EML4: variants seen among roughly 807,000 people sequenced by gnomAD.
EML4 encodes the protein EMAP like 4, also known as echinoderm microtubule-associated protein-like 4.
Under a neutral mutation model 129.0 loss-of-function variants are expected in EML4, and 72 were observed. That is an observed-to-expected ratio of 0.56 (90% CI 0.46 to 0.68). The LOEUF (loss-of-function observed/expected upper bound fraction) is 0.68. Among genes scored for constraint, EML4 ranks in the 30% least tolerant of loss-of-function variants. The probability of loss-of-function intolerance (pLI) is 0.00; values close to 1 mark genes in which losing one functional copy is unlikely to be tolerated. For synonymous variants in EML4, 532 were observed against 405.0 expected, an observed-to-expected ratio of 1.31 and a Z score of -3.77; for missense variants, 1,363 against 1,190.6, an observed-to-expected ratio of 1.14 and a Z score of -2.13.
Position 42,202,985 on chromosome 2 carries a change from A to T in EML4, c.25+33349A>T, listed in dbSNP as rs140604421. On this transcript the variant is annotated intron_variant, in intron 1 of 22. Coordinates refer to ENST00000318522, the MANE Select transcript of EML4 (RefSeq NM_019063.5). ...TGAGGCTGCATTGAGCCATGATTGT[A>T]CCAGTGTACTCCAGCCTGGGTGACA... Among the ~76,000 whole-genome samples the T allele has an allele frequency of 7.0e-4, 106 of 152,270 alleles. 1 individual carries two copies. The highest frequency in any genetic ancestry group is 5.4e-3 in the South Asian group (26 of 4,826).
intron 1 of EML4, 164 bp downstream of exon 1, chr2:42,169,800 T>C (rs1035508812): frequency 1.2e-5 from 8 of 669,246 alleles, no homozygotes; most frequent in African/African-American, 1.9e-5. Flanking sequence ...TCCGGTGGAC[T>C]GAGGGCCCCT....
At chr2:42,229,941 C>G (rs1028384955) in intron 1 of EML4, among the ~76,000 whole-genome samples, 1 of 151,744 alleles carries the variant, frequency 6.6e-6, no homozygotes, top group Non-Finnish European at 1.5e-5. Flanking sequence ...AGAAAAAAAC[C>G]ATAAAAAGGA....
chr2:42,241,386 A>G (rs1167226468), intron 1 of EML4, among the ~76,000 whole-genome samples: 1 of 152,160 alleles, frequency 6.6e-6, no homozygotes, highest in Non-Finnish European at 1.5e-5. Context: ...CCTGTAATTG[A>G]TCATCCAAGT....
Position 42,303,296 on chromosome 2 carries a change from G to T in EML4, c.1768-19G>T. 1 of 1,614,056 alleles carries T rather than the reference G, an allele frequency of 6.2e-7. No homozygotes were observed. Among genetic ancestry groups the T allele is most frequent in the Non-Finnish European group, 8.5e-7 (1 of 1,179,980 alleles). On this transcript the variant is annotated intron_variant, in intron 15 of 22. Coordinates refer to ENST00000318522, the MANE Select transcript of EML4 (RefSeq NM_019063.5). The stretch of plus-strand genomic sequence containing the variant: ...GATATTCTTTGGTTCTTATAACAAT[G>T]AGTGTCTTTCATTTTCAGGGTCATA...
chr2:42,323,516 T>A (rs969457919), intron 19 of EML4, among the ~76,000 whole-genome samples: 1 of 152,316 alleles, frequency 6.6e-6, no homozygotes, highest in African/African-American at 2.4e-5. Context: ...TGGTGGAGAT[T>A]ATGGCTCCAG....
rs886251298 is a variant in EML4 at position 42,263,061 on chromosome 2, C to G, written c.513-117C>G. The G allele has an allele frequency of 4.8e-6, 4 of 832,852 alleles. No individual in the cohort carries two copies. The African/African-American group carries it at 5.3e-5, about 11-fold the overall frequency. The allele number at this position is 832,852 out of a possible 1,614,324, so 51.6% of individuals were successfully genotyped here. ...AGGCAGTCTTTCAACTAATCCTTCT[C>G]TTTTCTGGATTAGCTTTAAGGAAAT... On this transcript the variant is annotated intron_variant, in intron 4 of 22. Transcript: ENST00000318522.
At chr2:42,227,775 G>A (rs552173521) in intron 1 of EML4, among the ~76,000 whole-genome samples, 2 of 152,222 alleles carry the variant, frequency 1.3e-5, no homozygotes, top group South Asian at 4.1e-4. Context: ...AATGAATAGT[G>A]AATATATTTT....
chr2:42,310,092 C>G (rs1185750909), intron 17 of EML4, among the ~76,000 whole-genome samples: 1 of 152,166 alleles, frequency 6.6e-6, no homozygotes, highest in Non-Finnish European at 1.5e-5. Flanking sequence ...AAAGACTTCT[C>G]TTTCTCCATT....
chr2:42,227,717 C>T (rs1042770421), intron 1 of EML4, among the ~76,000 whole-genome samples: 2 of 152,196 alleles, frequency 1.3e-5, no homozygotes, highest in Non-Finnish European at 2.9e-5. Flanking sequence ...GCCTATGCAG[C>T]ATGAAAACAG....
Position 42,284,669 on chromosome 2 carries a change from C to T in EML4, c.977C>T (p.Thr326Ile). The change falls in exon 9 of 23, where the codon ACT becomes ATT. Residue 326 changes from threonine to isoleucine, a missense_variant. By Grantham distance (89) the Thr-to-Ile change is moderately conservative. Transcript: ENST00000318522. ...CATCCTGACAAAATTAGGATTGCAA[C>T]TGGACAGATAGCTGGCGTGGATAAA... ...AIHPDKIRIA[T>I]GQIAGVDKDG... is the part of the protein sequence containing the mutation. The T allele has an allele frequency of 1.2e-6, 2 of 1,612,866 alleles. No individual in the cohort carries two copies. Among genetic ancestry groups the T allele is most frequent in the Non-Finnish European group, 1.7e-6 (2 of 1,179,418 alleles).
intron 1 of EML4, among the ~76,000 whole-genome samples, chr2:42,182,158 CT>C (rs36105464): frequency 0.032 from 4,035 of 126,140 alleles, 60 homozygotes; most frequent in African/African-American, 0.047. Flanking sequence ...AAAAATTCTT[CT>C]TTTTTTTTTT....
rs567260550 is a variant in EML4, at chr2:42,264,025, G to A, written c.642-681G>A. ...ATTACAGGCGTGAGCCACCGTGCCA[G>A]CCTGGTGTATGTTTTCTTTCAAGTC... On this transcript the variant is annotated intron_variant, in intron 5 of 22. Transcript: ENST00000318522. Among the ~76,000 whole-genome samples the A allele has an allele frequency of 2.0e-5, 3 of 151,588 alleles. No individual in the cohort carries two copies. In the East Asian group the frequency reaches 5.9e-4, roughly 30 times the overall value.
intron 1 of EML4, among the ~76,000 whole-genome samples, chr2:42,173,955 T>C (rs372289058): frequency 1.3e-3 from 197 of 152,354 alleles, no homozygotes; most frequent in African/African-American, 4.5e-3. Flanking sequence ...TGCTGTGCTA[T>C]GTTTCAAGCA....
chr2:42,253,312 C>T (rs1055096336), intron 2 of EML4, among the ~76,000 whole-genome samples: 1 of 152,160 alleles, frequency 6.6e-6, no homozygotes, highest in African/African-American at 2.4e-5. Flanking sequence ...AAGCTGAGGA[C>T]TGACAGGCAG....
chr2:42,332,241 A>T lies in EML4; in HGVS notation c.*2034A>T, dbSNP rs1410409938. 4.6e-6 allele frequency: 1 copy of T among 215,698 alleles called. No homozygotes were observed. Among genetic ancestry groups the T allele is most frequent in the East Asian group, 6.9e-5 (1 of 14,594 alleles). The allele number at this position is 215,698 out of a possible 1,614,324, so 13.4% of individuals were successfully genotyped here. A position where few individuals can be genotyped will look rare whatever the true frequency, so the allele number is the denominator to read the frequency against. Reference sequence around the variant, plus strand: ...GACATCAGTCACCTTTGGGGTTGCCATGTACAATGAGATTTATAATCATGA... The same window carrying T: ...GACATCAGTCACCTTTGGGGTTGCCTTGTACAATGAGATTTATAATCATGA... On this transcript the variant is annotated 3_prime_UTR_variant, in exon 23 of 23. Coordinates refer to ENST00000318522, the MANE Select transcript of EML4 (RefSeq NM_019063.5).
Position 42,303,445 on chromosome 2 carries a change from A to C in EML4, c.1898A>C (p.Asp633Ala), listed in dbSNP as rs372270887. 41 of 1,613,308 alleles carry C rather than the reference A, an allele frequency of 2.5e-5. No homozygotes were observed. The highest frequency in any genetic ancestry group is 4.0e-5 in the African/African-American group (3 of 74,890). The change falls in exon 16 of 23, where the codon GAT becomes GCT. Residue 633 changes from aspartate to alanine, a missense_variant and splice_region_variant. Physicochemically the swap from Asp to Ala is moderately radical, Grantham distance 126 (BLOSUM62 -2). Coordinates refer to ENST00000318522, the MANE Select transcript of EML4 (RefSeq NM_019063.5). ...AGGCTGGAATGGACCAGGCTGGTAG[A>C]TGTGAGTGAAGCAGGATGTGATTAT... ...EHRLEWTRLV[D>A]EPGHCADFHP...
At chr2:42,327,933 A>G (rs1423973765) in intron 21 of EML4, among the ~76,000 whole-genome samples, 1 of 152,230 alleles carries the variant, frequency 6.6e-6, no homozygotes, top group Non-Finnish European at 1.5e-5. Context: ...TAGGAAAATA[A>G]TCCATTATAG....
At chr2:42,281,087 T>A (rs1416158965) in intron 7 of EML4, 114 bp downstream of exon 7, 1 of 869,328 alleles carries the variant, frequency 1.2e-6, no homozygotes, top group Non-Finnish European at 1.7e-6. Context: ...TAACAGCTAC[T>A]TAAAAAATTA....
intron 1 of EML4, among the ~76,000 whole-genome samples, chr2:42,240,842 G>A (rs898624093): frequency 3.3e-5 from 5 of 152,080 alleles, no homozygotes; most frequent in African/African-American, 9.7e-5. Flanking sequence ...CACAGAGTTG[G>A]TAAATAGCAA....
Sources: gnomAD v4.1 joint callset for allele counts (sites outside exome capture counted in the v4.1 genomes callset) on GRCh38, gnomAD v4.1.1 for gene constraint, MANE v1.5 for transcripts, NCBI Gene and HGNC (gene_info 2026-07-23, HGNC 2026-07-21) for gene names.